The following TH variants were observed in gnomAD, a reference collection of about 807,000 sequenced individuals.
TH encodes tyrosine 3-monooxygenase.
TH carries 49 observed loss-of-function variants against 57.4 expected under a neutral mutation model. The observed-to-expected ratio is 0.85, with a 90% CI of 0.68 to 1.08. The LOEUF is 1.08. TH is among the 50% of genes least tolerant of loss of function. TH has a pLI of 0.00. For synonymous variants in TH, 330 were observed against 304.5 expected, an observed-to-expected ratio of 1.08 and a Z score of -0.87; for missense variants, 720 against 696.7, an observed-to-expected ratio of 1.03 and a Z score of -0.38.
chr11:2,166,553 C>A lies in TH; in HGVS notation c.978-4G>T, dbSNP rs1422368520. On this transcript the variant is annotated splice_polypyrimidine_tract_variant and splice_region_variant and intron_variant, in intron 8 of 12. Coordinates refer to ENST00000352909, the MANE Select transcript of TH (RefSeq NM_000360.4). ...CAGCAGCTCGTGGCAGCAGTCCCTG[C>A]GCGTAGGAGGGAGAAGGGGGCTGAG... 2 of 1,600,748 alleles carry A rather than the reference C, an allele frequency of 1.2e-6. No individual in the cohort carries two copies. Among genetic ancestry groups the A allele is most frequent in the Non-Finnish European group, 1.7e-6 (2 of 1,175,870 alleles).
In TH at chr11:2,167,487, T is replaced by C. The variant is rs1590168368; in HGVS notation, c.645-2A>G. ...TCCACACGGGGAATCGGGTCGCCGC[T>C]GGGGAGGGGGCCAGTGGTCAGCAGG... On this transcript the variant is annotated splice_acceptor_variant, in intron 5 of 12. Coordinates refer to ENST00000352909, the MANE Select transcript of TH (RefSeq NM_000360.4). LOFTEE classifies it high-confidence loss of function. The C allele has an allele frequency of 1.3e-6, 2 of 1,558,240 alleles. No individual in the cohort carries two copies. Among genetic ancestry groups the C allele is most frequent in the Non-Finnish European group, 1.7e-6 (2 of 1,151,074 alleles).
chr11:2,170,266 G>C lies in TH; in HGVS notation c.91-395C>G, dbSNP rs147508983. ...TGGCATCGGCTGCCGGGGAGGGAAC[G>C]GCAGCTCAGGAAGGAGCTGCCCCCA... On this transcript the variant is annotated intron_variant, in intron 1 of 12. Transcript: ENST00000352909. The surrounding 1 kb of genome is among the most constrained non-coding windows in gnomAD (Gnocchi z 6.0). Among the ~76,000 whole-genome samples the C allele has an allele frequency of 3.7e-3, 570 of 152,208 alleles. 3 individuals are homozygous for C. The highest frequency in any genetic ancestry group is 0.013 in the African/African-American group (541 of 41,534).
At position 2,164,389 on chromosome 11, in the gene TH, G is replaced by T; in HGVS notation, c.1338C>A (p.Ser446Arg). The T allele has an allele frequency of 6.5e-7, 1 of 1,548,820 alleles. No individual in the cohort carries two copies. The highest frequency in any genetic ancestry group is 2.4e-5 in the East Asian group (1 of 42,054). Residue 446 changes from serine (S) to arginine (R), a missense_variant, in exon 13 of 13, where the codon AGC (serine) becomes AGA (arginine). Ser to Arg is a moderately radical substitution (Grantham distance 110). Transcript: ENST00000352909. ...AGGGGCGCTGGATGCGTGAGGCATA[G>T]CTCCTGGGGAGGAGAGCGGCAGAGC... is the stretch of plus-strand genomic sequence containing the variant. ...SFSDAKDKLR[S>R]YASRIQRPFS...
rs567980491 is a variant in TH at position 2,170,936 on chromosome 11, G to A, written c.90+761C>T. On this transcript the variant is annotated intron_variant, in intron 1 of 12. Transcript: ENST00000352909. This position sits in a 1 kb window ranked among gnomAD's most constrained non-coding sequence, Gnocchi z 6.0. ...CCATAAATAAAAACCCATTTTAAAT[G>A]TGCCAGGGAGCCCAAGGTTCTGAGT... 6.6e-6 allele frequency among the ~76,000 whole-genome samples: 1 copy of A among 152,162 alleles called. No homozygotes were observed. The highest frequency in any genetic ancestry group is 1.9e-4 in the East Asian group (1 of 5,162).
chr11:2,165,208 G>C, intron 12 of TH, 24 bp downstream of exon 12: 1 of 1,612,634 alleles, frequency 6.2e-7, no homozygotes, highest in Non-Finnish European at 8.5e-7. Flanking sequence ...ACCATGGGGG[G>C]CTTGCCCTAG....
chr11:2,168,255 C>T, intron 3 of TH, 76 bp from the exon 4 acceptor site: 1 of 1,524,442 alleles, frequency 6.6e-7, no homozygotes, highest in Non-Finnish European at 9.1e-7. Context: ...GAAGCAGCCT[C>T]CCCTACAAGA....
At chr11:2,167,620 G>A in intron 5 of TH, 135 bp from the exon 6 acceptor site, 2 of 1,196,812 alleles carry the variant, frequency 1.7e-6, no homozygotes, top group Non-Finnish European at 2.4e-6. Context: ...TGGACAGGAG[G>A]GTGCACCCCA....
In TH at chr11:2,170,311, C is replaced by T. The variant is rs1365003384; in HGVS notation, c.91-440G>A. Among the ~76,000 whole-genome samples, 1 of 152,112 alleles carries T rather than the reference C, an allele frequency of 6.6e-6. No individual in the cohort carries two copies. The highest frequency in any genetic ancestry group is 1.5e-5 in the Non-Finnish European group (1 of 68,008). ...CCCCCACAGGGCCCCAGTGAACAAC[C>T]CCCCTACCCTCCTGGCTGCCGCACA... On this transcript the variant is annotated intron_variant, in intron 1 of 12. Coordinates refer to ENST00000352909, the MANE Select transcript of TH (RefSeq NM_000360.4). This position sits in a 1 kb window ranked among gnomAD's most constrained non-coding sequence, Gnocchi z 6.0.
intron 7 of TH, 28 bp from the exon 8 acceptor site, chr11:2,166,796 G>A (rs770996686): frequency 4.8e-5 from 74 of 1,548,162 alleles, no homozygotes; most frequent in Admixed American, 1.6e-4. Context: ...GGTCACTGCC[G>A]AGCCGGGACG....
In TH at chr11:2,170,815, G is replaced by T; in HGVS notation, c.90+882C>A. On this transcript the variant is annotated intron_variant, in intron 1 of 12. Coordinates refer to ENST00000352909, the MANE Select transcript of TH (RefSeq NM_000360.4). The surrounding 1 kb of genome is among the most constrained non-coding windows in gnomAD (Gnocchi z 6.0). ...TGGGGAGCCTGGTGGGGGAGGGTAG[G>T]GGAGGGCGGGGGAGGACGGGGGAGG... The T allele has an allele frequency of 1.6e-6, 1 of 641,656 alleles. No homozygotes were observed. Among genetic ancestry groups the T allele is most frequent in the South Asian group, 1.9e-5 (1 of 53,452 alleles). 39.7% of individuals were successfully genotyped at this position (641,656 alleles called of 1,614,324 possible).
intron 11 of TH, 102 bp from the exon 12 acceptor site, chr11:2,165,467 A>G: frequency 3.9e-6 from 6 of 1,550,872 alleles, no homozygotes; most frequent in Non-Finnish European, 5.3e-6. Flanking sequence ...GGGTAGAGTC[A>G]CCCCCATCTC....
In TH at chr11:2,171,811, C is replaced by T. The variant is rs540831913; in HGVS notation, c.-25G>A. On this transcript the variant is annotated 5_prime_UTR_variant, in exon 1 of 13. Transcript: ENST00000352909. This position sits in a 1 kb window ranked among gnomAD's most constrained non-coding sequence, Gnocchi z 8.6. ...TGGCTCAGTGTGGAGGTCCGGGCTC[C>T]GTCTCCACAGCCCTGGCCCAGCAGC... The T allele has an allele frequency of 5.9e-4, 949 of 1,603,252 alleles. 16 individuals carry two copies. In the South Asian group the frequency reaches 9.5e-3, roughly 16 times the overall value.
At chr11:2,166,819 G>C (rs759425681) in intron 7 of TH, 51 bp from the exon 8 acceptor site, 45 of 1,556,492 alleles carry the variant, frequency 2.9e-5, no homozygotes, top group Middle Eastern at 3.5e-4. Flanking sequence ...CTGGAGCCGC[G>C]CTGGGGTGGG....
At position 2,166,656 on chromosome 11, in the gene TH, G is replaced by C; in HGVS notation, c.954C>G (p.Ser318=). 6.3e-7 allele frequency: 1 copy of C among 1,574,896 alleles called. No homozygotes were observed. The part of the protein sequence containing the change: ...FQCTQYIRHA[S]SPMHSPEPDC... Reference sequence around the variant, plus strand: ...ACGGCTCAGGGGAGTGCATGGGCGAGGACGCGTGGCGGATATACTGGGTGC... The same window carrying C: ...ACGGCTCAGGGGAGTGCATGGGCGACGACGCGTGGCGGATATACTGGGTGC... The change falls in exon 8 of 13, where the codon TCC becomes TCG. Residue 318 remains serine (S), a synonymous_variant. Transcript: ENST00000352909.
At chr11:2,165,916 G>T in intron 10 of TH, 86 bp downstream of exon 10, 1 of 1,504,206 alleles carries the variant, frequency 6.6e-7, no homozygotes, top group Non-Finnish European at 9.0e-7. Flanking sequence ...GGAAGGAGAG[G>T]CCTCAGCCTG....
In TH at chr11:2,167,936, G is replaced by A. The variant is rs762806141; in HGVS notation, c.577-3C>T. 3 of 1,611,630 alleles carry A rather than the reference G, an allele frequency of 1.9e-6. 1 individual carries two copies. The South Asian group carries it at 3.3e-5, about 18-fold the overall frequency. On this transcript the variant is annotated splice_polypyrimidine_tract_variant and splice_region_variant and intron_variant, in intron 4 of 12. Coordinates refer to ENST00000352909, the MANE Select transcript of TH (RefSeq NM_000360.4). ...CGGTACACCTGGTCCGAGAAGCCCT[G>A]AGGGCAGAGGGGATGCACGGGTCAG... is the stretch of plus-strand genomic sequence containing the variant.
At chr11:2,169,395 G>T (rs1393343238) in intron 2 of TH, among the ~76,000 whole-genome samples, 2 of 152,202 alleles carry the variant, frequency 1.3e-5, no homozygotes, top group Non-Finnish European at 2.9e-5. Context: ...GGATCCAGGG[G>T]ATGGGCAAGG....
In TH at chr11:2,170,601, G is replaced by T; in HGVS notation, c.91-730C>A. On this transcript the variant is annotated intron_variant, in intron 1 of 12. Transcript: ENST00000352909. The surrounding 1 kb of genome is among the most constrained non-coding windows in gnomAD (Gnocchi z 6.0). The stretch of plus-strand genomic sequence containing the variant: ...CAAGAAGGCTCTGGGCCCCTTGTAA[G>T]AGAAGAATCAGCTTCATCCTGAGCT... The T allele has an allele frequency of 8.4e-7, 1 of 1,189,656 alleles. No individual in the cohort carries two copies. 73.7% of individuals were successfully genotyped at this position (1,189,656 alleles called of 1,614,324 possible).
Position 2,169,817 on chromosome 11 carries a change from G to T in TH, c.145C>A (p.Arg49=). The change falls in exon 2 of 13, where the codon CGG becomes AGG. Residue 49 remains arginine (R), a synonymous_variant. Transcript: ENST00000352909. ...GCCGCTGCTGCCACCGCCGCCTCCC[G>T]CTCCTTGCGGGCGTCCTCGATGAGG... ...QSLIEDARKE[R]EAAVAAAAAA... 2 of 1,611,116 alleles carry T rather than the reference G, an allele frequency of 1.2e-6. No homozygotes were observed. Among genetic ancestry groups the T allele is most frequent in the Non-Finnish European group, 1.7e-6 (2 of 1,179,588 alleles).
Sources: gnomAD v4.1 joint callset for allele counts (sites outside exome capture counted in the v4.1 genomes callset) on GRCh38, gnomAD v4.1.1 for gene constraint, Gnocchi (gnomAD v3.1) non-coding constraint, MANE v1.5 for transcripts, NCBI Gene and HGNC (gene_info 2026-07-23, HGNC 2026-07-21) for gene names.